The following CDH18 variants were observed in gnomAD, a reference collection of about 807,000 sequenced individuals.
CDH18 encodes the protein cadherin 18, also known as cadherin-18.
In CDH18, 31 loss-of-function variants were observed where a neutral mutation model predicts 67.9. That is an observed-to-expected ratio of 0.46 (90% CI 0.34 to 0.62). The LOEUF (loss-of-function observed/expected upper bound fraction) is 0.62, where lower values mean the gene tolerates loss of function less well. Among genes scored for constraint, CDH18 ranks in the 20% least tolerant of loss-of-function variants. The probability of loss-of-function intolerance (pLI) is 0.01; values close to 1 mark genes in which losing one functional copy is unlikely to be tolerated. For synonymous variants in CDH18, 362 were observed against 347.2 expected (o/e 1.04, Z -0.48); for missense variants, 890 against 975.5 (o/e 0.91, Z 1.17).
In CDH18 at chr5:19,536,510, C is replaced by T. The variant is rs1053728783; in HGVS notation, c.1390+7359G>A. On this transcript the variant is annotated intron_variant, in intron 9 of 12. Transcript: ENST00000382275. ...GAGTCTTGTTAAGGAAATTGATACA[C>T]GTGGAGTTTATTTCTTAGACAATCA... Among the ~76,000 whole-genome samples the T allele has an allele frequency of 2.6e-5, 4 of 152,224 alleles. No homozygotes were observed. In the South Asian group the frequency reaches 6.2e-4, roughly 24 times the overall value.
intron 2 of CDH18, among the ~76,000 whole-genome samples, chr5:20,084,973 G>A (rs1460295097): frequency 6.6e-6 from 1 of 152,118 alleles, no homozygotes; most frequent in Non-Finnish European, 1.5e-5. Context: ...ACATTGTCTT[G>A]GGGATTAATG....
chr5:20,288,826 G>C (rs1746886486), intron 1 of CDH18, among the ~76,000 whole-genome samples: 1 of 151,804 alleles, frequency 6.6e-6, no homozygotes, highest in Non-Finnish European at 1.5e-5. Flanking sequence ...TATTTCAGCA[G>C]AATGAAAATT....
At position 19,737,658 on chromosome 5, in the gene CDH18, T is replaced by G. The variant is rs188374808; in HGVS notation, c.523+9284A>C. On this transcript the variant is annotated intron_variant, in intron 4 of 12. Transcript: ENST00000382275. ...TATCCAAACAGAATTAGAAATCAGGTTCAATTAAAAGTGAGGGGGATTATC... is the reference window on the plus strand; with the variant it reads ...TATCCAAACAGAATTAGAAATCAGGGTCAATTAAAAGTGAGGGGGATTATC... Among the ~76,000 whole-genome samples, 3 of 152,336 alleles carry G rather than the reference T, an allele frequency of 2.0e-5. No individual in the cohort carries two copies. In the East Asian group the frequency reaches 5.8e-4, roughly 29 times the overall value.
intron 2 of CDH18, among the ~76,000 whole-genome samples, chr5:20,188,932 A>G (rs1366864003): frequency 1.3e-5 from 2 of 150,564 alleles, no homozygotes; most frequent in African/African-American, 2.4e-5. Context: ...GTTGTTAGTC[A>G]CCTTCTTTCC....
chr5:20,334,746 TCTCTCATACA>T (rs1374227685), intron 1 of CDH18, among the ~76,000 whole-genome samples: 6 of 130,970 alleles, frequency 4.6e-5, no homozygotes, highest in East Asian at 5.2e-4. Context: ...TCTCTCTCTC[TCTCTCATACA>T]CACACACACA....
intron 2 of CDH18, among the ~76,000 whole-genome samples, chr5:20,104,926 C>A (rs1055105776): frequency 6.6e-6 from 1 of 152,094 alleles, no homozygotes; most frequent in African/African-American, 2.4e-5. Flanking sequence ...GGATTTATCC[C>A]CATCTCACAT....
chr5:19,974,932 G>A (rs922945138), intron 2 of CDH18, among the ~76,000 whole-genome samples: 6 of 152,048 alleles, frequency 3.9e-5, no homozygotes, highest in Admixed American at 6.6e-5. Context: ...AGTGTGTCCC[G>A]TAGGGCCATC....
chr5:19,726,362 A>G (rs1198783002), intron 4 of CDH18, among the ~76,000 whole-genome samples: 1 of 152,318 alleles, frequency 6.6e-6, no homozygotes, highest in African/African-American at 2.4e-5. Context: ...AGGAAGTCTC[A>G]CACAATTGTC....
chr5:19,675,467 C>T (rs1017796607), intron 5 of CDH18, among the ~76,000 whole-genome samples: 8 of 152,054 alleles, frequency 5.3e-5, no homozygotes, highest in Non-Finnish European at 7.4e-5. Flanking sequence ...CCCTTAGGAA[C>T]GCATTCTCTT....
intron 2 of CDH18, among the ~76,000 whole-genome samples, chr5:20,014,409 G>A (rs768362432): frequency 2.0e-4 from 30 of 152,140 alleles, no homozygotes; most frequent in Middle Eastern, 3.4e-3. Context: ...TGAGAGGAAT[G>A]GGAAAGTCTT....
At chr5:19,631,438 C>T (rs996768684) in intron 5 of CDH18, among the ~76,000 whole-genome samples, 5 of 152,018 alleles carry the variant, frequency 3.3e-5, no homozygotes, top group Non-Finnish European at 5.9e-5. Context: ...TTAAGTCCTA[C>T]GTTTAAGAAA....
chr5:20,394,389 T>C (rs1288932850), intron 1 of CDH18, among the ~76,000 whole-genome samples: 1 of 152,096 alleles, frequency 6.6e-6, no homozygotes, highest in East Asian at 1.9e-4. Flanking sequence ...GAGGAATAAA[T>C]TTTGTGTATG....
chr5:20,155,015 G>C (rs1007756061), intron 2 of CDH18, among the ~76,000 whole-genome samples: 1 of 151,968 alleles, frequency 6.6e-6, no homozygotes, highest in East Asian at 1.9e-4. Flanking sequence ...CTTTTCAAAG[G>C]CTGTCATCTA....
intron 1 of CDH18, among the ~76,000 whole-genome samples, chr5:20,414,008 T>C (rs1747045405): frequency 6.6e-6 from 1 of 152,172 alleles, no homozygotes; most frequent in Non-Finnish European, 1.5e-5. Context: ...AAGGAAGGGA[T>C]CCAAATTGGC....
At chr5:19,522,894 C>CAAAAAAAAAAAAAAAAAAAAAAAAAAA (rs36099222) in intron 9 of CDH18, among the ~76,000 whole-genome samples, 1 of 83,876 alleles carries the variant, frequency 1.2e-5, no homozygotes, top group Admixed American at 1.5e-4. Context: ...GACTCCTTCT[C>CAAAAAAAAAAAAAAAAAAAAAAAAAAA]AAAAAAAAAA....
At chr5:19,544,055 C>CTT in intron 8 of CDH18, 50 bp from the exon 9 acceptor site, 1 of 961,354 alleles carries the variant, frequency 1.0e-6, no homozygotes, top group Non-Finnish European at 1.5e-6. Flanking sequence ...GAAGAAAATA[C>CTT]AACTGAACCA....
At chr5:19,652,150 T>A (rs897092780) in intron 5 of CDH18, among the ~76,000 whole-genome samples, 3 of 151,990 alleles carry the variant, frequency 2.0e-5, no homozygotes, top group African/African-American at 4.8e-5. Context: ...ATATAATTAT[T>A]ATATTCACAT....
chr5:19,834,412 C>G (rs189213500), intron 3 of CDH18, among the ~76,000 whole-genome samples: 1 of 151,642 alleles, frequency 6.6e-6, no homozygotes, highest in Non-Finnish European at 1.5e-5. Context: ...TGATTCTTCT[C>G]TCTCTTCTTT....
intron 1 of CDH18, among the ~76,000 whole-genome samples, chr5:20,259,821 C>T (rs1163578764): frequency 6.6e-6 from 1 of 151,986 alleles, no homozygotes; most frequent in Non-Finnish European, 1.5e-5. Context: ...TGCCTGGATT[C>T]TTCTTGTAGT....
Sources: gnomAD v4.1 joint callset for allele counts (sites outside exome capture counted in the v4.1 genomes callset) on GRCh38, gnomAD v4.1.1 for gene constraint, MANE v1.5 for transcripts, NCBI Gene and HGNC (gene_info 2026-07-23, HGNC 2026-07-21) for gene names.